Variants in SUGCT observed in about 807,000 individuals in gnomAD.
SUGCT encodes the protein succinyl-CoA:glutarate-CoA transferase, also known as succinyl-CoA:glutarate CoA-transferase.
Under a neutral mutation model 55.0 loss-of-function variants are expected in SUGCT, and 41 were observed. The observed-to-expected ratio is 0.74, with a 90% confidence interval of 0.58 to 0.97. The LOEUF (loss-of-function observed/expected upper bound fraction) is 0.97, where lower values mean the gene tolerates loss of function less well. Among genes scored for constraint, SUGCT ranks in the 50% least tolerant of loss-of-function variants. SUGCT has a pLI of 0.00. For synonymous variants in SUGCT, 187 were observed against 200.4 expected, an observed-to-expected ratio of 0.93 and a Z score of 0.56; for missense variants, 568 against 547.8, an observed-to-expected ratio of 1.04 and a Z score of -0.37.
intron 13 of SUGCT, among the ~76,000 whole-genome samples, chr7:40,768,881 G>T (rs1162721976): frequency 3.3e-5 from 5 of 152,218 alleles, no homozygotes; most frequent in Admixed American, 1.3e-4. Flanking sequence ...GCACATGTGA[G>T]TGCCACGTTG....
intron 13 of SUGCT, among the ~76,000 whole-genome samples, chr7:40,825,821 A>G (rs979389479): frequency 3.3e-5 from 5 of 152,190 alleles, no homozygotes; most frequent in Admixed American, 6.5e-5. Context: ...ACTTCTAAAA[A>G]AGCCCCCATG....
At chr7:40,490,150 G>T (rs561742978) in intron 11 of SUGCT, among the ~76,000 whole-genome samples, 1 of 152,316 alleles carries the variant, frequency 6.6e-6, no homozygotes, top group South Asian at 2.1e-4. Context: ...CTCAATGAGA[G>T]CACCAGCTTT....
At position 40,714,132 on chromosome 7, in the gene SUGCT, C is replaced by T. The variant is rs368968757; in HGVS notation, c.1090-35302C>T. Among the ~76,000 whole-genome samples the T allele has an allele frequency of 7.2e-5, 11 of 152,142 alleles. No individual in the cohort carries two copies. In the East Asian group the frequency reaches 2.1e-3, roughly 30 times the overall value. ...ATCACTTGAGGTTAGGAGCCTGAGA[C>T]CAGCCTGCCCAACATGATGAAACCC... On this transcript the variant is annotated intron_variant, in intron 12 of 13. Coordinates refer to ENST00000335693, the MANE Select transcript of SUGCT (RefSeq NM_001193313.2).
At chr7:40,464,846 G>C (rs1790014853) in intron 11 of SUGCT, among the ~76,000 whole-genome samples, 1 of 152,178 alleles carries the variant, frequency 6.6e-6, no homozygotes, top group African/African-American at 2.4e-5. Flanking sequence ...AGTCAGTTTG[G>C]TAGGTTAGGT....
At chr7:40,749,770 A>G (rs942040647) in intron 13 of SUGCT, among the ~76,000 whole-genome samples, 3 of 152,228 alleles carry the variant, frequency 2.0e-5, no homozygotes, top group African/African-American at 7.2e-5. Flanking sequence ...ACGTGCTCAC[A>G]AAAGTACATC....
At chr7:40,229,945 A>G (rs10452814) in intron 6 of SUGCT, among the ~76,000 whole-genome samples, 5,671 of 152,292 alleles carry the variant, frequency 0.037, 365 homozygotes, top group African/African-American at 0.13. Context: ...GAATTACATT[A>G]CTTACTATGA....
At chr7:40,234,405 A>G (rs1276608775) in intron 6 of SUGCT, among the ~76,000 whole-genome samples, 1 of 152,176 alleles carries the variant, frequency 6.6e-6, no homozygotes, top group East Asian at 1.9e-4. Context: ...ACAGCAGCAC[A>G]CTACCTGCCC....
chr7:40,953,655 A>AG, the SUGCT span, among the ~76,000 whole-genome samples: 12,483 of 152,146 alleles, frequency 0.082, 563 homozygotes, highest in African/African-American at 0.1. Context: ...TCTGTTTGTT[A>AG]GTTTTCCCTC....
At chr7:40,299,420 G>T (rs1175698533) in intron 8 of SUGCT, among the ~76,000 whole-genome samples, 1 of 152,114 alleles carries the variant, frequency 6.6e-6, no homozygotes, top group African/African-American at 2.4e-5. Flanking sequence ...ACTGTCACAG[G>T]TTGCATTTGC....
chr7:40,768,734 G>A (rs2128725926), intron 13 of SUGCT, among the ~76,000 whole-genome samples: 1 of 152,276 alleles, frequency 6.6e-6, no homozygotes, highest in Non-Finnish European at 1.5e-5. Flanking sequence ...TTCGTATCAT[G>A]GTTGATGCTT....
the SUGCT span, among the ~76,000 whole-genome samples, chr7:41,001,120 T>C: frequency 6.6e-6 from 1 of 152,128 alleles, no homozygotes; most frequent in Admixed American, 6.6e-5. Context: ...TTTCAATGTT[T>C]ATATAAAAAT....
At chr7:40,982,888 A>T in the SUGCT span, among the ~76,000 whole-genome samples, 4 of 152,118 alleles carry the variant, frequency 2.6e-5, no homozygotes, top group Non-Finnish European at 5.9e-5. Flanking sequence ...GGCTCAAGCA[A>T]CCTGCCCACC....
At chr7:40,531,529 C>A (rs1384109157) in intron 12 of SUGCT, among the ~76,000 whole-genome samples, 1 of 151,750 alleles carries the variant, frequency 6.6e-6, no homozygotes, top group Admixed American at 6.6e-5. Context: ...CAATGCTACT[C>A]CAAAATTTAT....
intron 9 of SUGCT, among the ~76,000 whole-genome samples, chr7:40,445,153 A>G (rs1788745976): frequency 6.6e-6 from 1 of 152,180 alleles, no homozygotes; most frequent in Admixed American, 6.6e-5. Flanking sequence ...AGATCAGAGC[A>G]GAACTGAAGG....
At chr7:40,693,672 C>T (rs1461679099) in intron 12 of SUGCT, among the ~76,000 whole-genome samples, 42 of 152,178 alleles carry the variant, frequency 2.8e-4, no homozygotes, top group Non-Finnish European at 4.4e-5. Flanking sequence ...AAATATCAGC[C>T]AGTCAAGAAA....
chr7:40,914,225 A>G, the SUGCT span, among the ~76,000 whole-genome samples: 6 of 147,968 alleles, frequency 4.1e-5, no homozygotes, highest in African/African-American at 1.5e-4. Flanking sequence ...GTCCAATTAC[A>G]TTTCCTTTGT....
At chr7:40,190,208 G>A (rs1343346290) in intron 5 of SUGCT, among the ~76,000 whole-genome samples, 5 of 152,242 alleles carry the variant, frequency 3.3e-5, no homozygotes, top group South Asian at 2.1e-4. Flanking sequence ...ACTTCTTTGT[G>A]TCTCAGTTTC....
intron 8 of SUGCT, 76 bp from the exon 9 acceptor site, chr7:40,316,684 C>T: frequency 1.1e-6 from 1 of 931,138 alleles, no homozygotes; most frequent in Non-Finnish European, 1.6e-6. Flanking sequence ...AAATTACTTT[C>T]ATAATATAAC....
chr7:40,442,935 A>G (rs954343749), intron 9 of SUGCT, among the ~76,000 whole-genome samples: 2 of 151,974 alleles, frequency 1.3e-5, no homozygotes, highest in African/African-American at 4.8e-5. Flanking sequence ...AAGTGTTCTC[A>G]TTGTTCAATT....
Sources: gnomAD v4.1 joint callset for allele counts (sites outside exome capture counted in the v4.1 genomes callset) on GRCh38, gnomAD v4.1.1 for gene constraint, MANE v1.5 for transcripts, NCBI Gene and HGNC (gene_info 2026-07-23, HGNC 2026-07-21) for gene names.